DST: variants seen among roughly 807,000 people sequenced by gnomAD.
DST encodes the protein dystonin, also known as bullous pemphigoid antigen.
Under a neutral mutation model 875.2 loss-of-function variants are expected in DST, and 253 were observed. That is an observed-to-expected ratio of 0.29 (90% CI 0.26 to 0.32). The LOEUF (loss-of-function observed/expected upper bound fraction) is 0.32. Among genes scored for constraint, DST ranks in the 10% least tolerant of loss-of-function variants. The pLI is 1.00. For synonymous variants in DST, 3,124 were observed against 3,197.1 expected (o/e 0.98, Z 0.77); for missense variants, 8,287 against 9,111.6 (o/e 0.91, Z 3.68).
At chr6:56,598,423 A>G (rs1430260405) in intron 46 of DST, 53 bp downstream of exon 46, 1 of 1,035,134 alleles carries the variant, frequency 9.7e-7, no homozygotes, top group African/African-American at 1.6e-5. Context: ...TAAATCAAGT[A>G]GCTGTTAAGC....
chr6:56,704,428 T>G, intron 5 of DST, 59 bp from the exon 6 acceptor site: 1 of 752,538 alleles, frequency 1.3e-6, no homozygotes. Context: ...TTAACATTCT[T>G]AAACATAAAA....
intron 2 of DST, among the ~76,000 whole-genome samples, chr6:56,921,683 T>C (rs1007149623): frequency 1.3e-5 from 2 of 152,166 alleles, no homozygotes; most frequent in Non-Finnish European, 2.9e-5. Flanking sequence ...TAGGTGTATA[T>C]GTATATGTAT....
rs559235200 is a variant in DST, at chr6:56,621,361, T to C, written c.4929+3169A>G. 5.9e-5 allele frequency among the ~76,000 whole-genome samples: 9 copies of C among 152,382 alleles called. No homozygotes were observed. In the South Asian group the frequency reaches 1.9e-3, roughly 32 times the overall value. On this transcript the variant is annotated intron_variant, in intron 36 of 103. Coordinates refer to ENST00000680361, the MANE Select transcript of DST (RefSeq NM_001374736.1). ...TAAAGTCAGATCCCTTATTTGTTTATACTTGCCATATTATGACAATTATAA... is the reference window on the plus strand; with the variant it reads ...TAAAGTCAGATCCCTTATTTGTTTACACTTGCCATATTATGACAATTATAA...
At position 56,870,934 on chromosome 6, in the gene DST, CA is replaced by C. The variant is rs1220378678; in HGVS notation, c.418-19331del. ...GTAGGAGTTAGGAATAAGAGACTGT[CA>C]AAAATACCAAGCAATGAAAATATAA... is the stretch of plus-strand genomic sequence containing the variant. On this transcript the variant is annotated intron_variant, in intron 3 of 103. Transcript: ENST00000680361. Among the ~76,000 whole-genome samples, 4 of 151,606 alleles carry C rather than the reference CA, an allele frequency of 2.6e-5. No individual in the cohort carries two copies. The East Asian group carries it at 7.7e-4, about 29-fold the overall frequency.
Position 56,601,653 on chromosome 6 carries a change from A to G in DST, c.11331T>C (p.His3777=). The change falls in exon 44 of 104, where the codon CAT becomes CAC. Residue 3777 remains histidine, a synonymous_variant. Transcript: ENST00000680361. The part of the protein sequence containing the change: ...FLKNVLKDLG[H]TKMQLETTAF... ...CAGTAGTCTCCAGCTGCATTTTGGT[A>G]TGTCCAAGGTCTTTTAATACATTCT... 1 of 1,587,020 alleles carries G rather than the reference A, an allele frequency of 6.3e-7. No individual in the cohort carries two copies.
chr6:56,946,611 A>G (rs1819606855), intron 2 of DST, among the ~76,000 whole-genome samples: 1 of 152,250 alleles, frequency 6.6e-6, no homozygotes, highest in Non-Finnish European at 1.5e-5. Flanking sequence ...CAACATAAGC[A>G]TAAAATATCA....
intron 97 of DST, 138 bp from the exon 98 acceptor site, chr6:56,469,137 T>C (rs2094746136): frequency 2.1e-6 from 1 of 480,744 alleles, no homozygotes; most frequent in South Asian, 8.3e-5. Flanking sequence ...AGGCACCCAG[T>C]TGTCCCAATT....
intron 4 of DST, among the ~76,000 whole-genome samples, chr6:56,846,327 A>C (rs962942669): frequency 6.6e-6 from 1 of 152,394 alleles, no homozygotes; most frequent in African/African-American, 2.4e-5. Flanking sequence ...AAACACAACT[A>C]GTCATGGACA....
intron 4 of DST, among the ~76,000 whole-genome samples, chr6:56,798,944 T>A (rs1384239960): frequency 6.6e-6 from 1 of 152,134 alleles, no homozygotes; most frequent in Non-Finnish European, 1.5e-5. Context: ...GAATTAGAAG[T>A]GAAGCCTGAA....
chr6:56,489,654 T>C, intron 85 of DST, 45 bp from the exon 86 acceptor site: 5 of 1,573,536 alleles, frequency 3.2e-6, no homozygotes, highest in Non-Finnish European at 3.5e-6. Flanking sequence ...TTCAAGCATA[T>C]TATACTTGAG....
chr6:56,776,775 TTTA>T (rs1323237629), intron 4 of DST, among the ~76,000 whole-genome samples: 3 of 152,202 alleles, frequency 2.0e-5, no homozygotes, highest in Non-Finnish European at 2.9e-5. Context: ...ATTATTTATT[TTTA>T]TTTTCAAAAT....
intron 4 of DST, among the ~76,000 whole-genome samples, chr6:56,776,761 C>T (rs1283785143): frequency 6.6e-6 from 1 of 152,024 alleles, no homozygotes; most frequent in Non-Finnish European, 1.5e-5. Context: ...AACTCTACAC[C>T]TAAATTATTT....
intron 2 of DST, among the ~76,000 whole-genome samples, chr6:56,928,171 A>G (rs1808208614): frequency 6.6e-6 from 1 of 151,720 alleles, no homozygotes; most frequent in Non-Finnish European, 1.5e-5. Context: ...TAGAAAAATA[A>G]ATACATAAAG....
chr6:56,765,350 AC>A (rs1292851755), intron 4 of DST, among the ~76,000 whole-genome samples: 1 of 152,242 alleles, frequency 6.6e-6, no homozygotes, highest in Non-Finnish European at 1.5e-5. Flanking sequence ...CATAACAAAT[AC>A]TGAAATGCAG....
chr6:56,931,401 CCTCTG>C (rs1432625427), intron 2 of DST, among the ~76,000 whole-genome samples: 1 of 152,194 alleles, frequency 6.6e-6, no homozygotes, highest in Non-Finnish European at 1.5e-5. Context: ...TCATGGAGAA[CCTCTG>C]CTAGGGCAGT....
chr6:56,824,891 C>G (rs1327508779), intron 4 of DST, among the ~76,000 whole-genome samples: 1 of 151,818 alleles, frequency 6.6e-6, no homozygotes, highest in East Asian at 1.9e-4. Context: ...GTCAGCCCCC[C>G]GCCCGGCCAG....
At chr6:56,551,532 C>A (rs956834562) in intron 61 of DST, among the ~76,000 whole-genome samples, 7 of 152,126 alleles carry the variant, frequency 4.6e-5, no homozygotes, top group South Asian at 2.1e-4. Context: ...ACTGGCCCAC[C>A]ATTTTTATCA....
At chr6:56,938,449 G>A (rs1814435490) in intron 2 of DST, among the ~76,000 whole-genome samples, 1 of 152,010 alleles carries the variant, frequency 6.6e-6, no homozygotes, top group Non-Finnish European at 1.5e-5. Flanking sequence ...ACTAAGTTGG[G>A]CCTAAAAACG....
intron 78 of DST, among the ~76,000 whole-genome samples, chr6:56,502,044 T>C (rs1353922537): frequency 6.6e-6 from 1 of 152,100 alleles, no homozygotes; most frequent in Non-Finnish European, 1.5e-5. Flanking sequence ...AAATGAAACA[T>C]ATGTTGACAC....
Sources: allele counts gnomAD v4.1 joint callset (sites outside exome capture counted in the v4.1 genomes callset), GRCh38; gene constraint gnomAD v4.1.1; transcripts MANE v1.5; gene names NCBI Gene and HGNC (gene_info 2026-07-23, HGNC 2026-07-21).